Variants in ZFPM2 observed in about 807,000 individuals in gnomAD.
The protein encoded by ZFPM2 is zinc finger protein, FOG family member 2, also known as zinc finger protein ZFPM2.
A neutral mutation model predicts 98.6 loss-of-function variants in ZFPM2; 20 were observed. The ratio of observed to expected loss-of-function variants is 0.20; its 90% CI spans 0.14 to 0.29. The LOEUF is 0.29. ZFPM2 is among the 10% of genes least tolerant of loss of function. ZFPM2 has a pLI of 1.00. For missense variants in ZFPM2, 1,310 were observed against 1,388.6 expected, an observed-to-expected ratio of 0.94 and a Z score of 0.90; for synonymous variants, 518 against 502.7, an observed-to-expected ratio of 1.03 and a Z score of -0.41.
chr8:105,798,358 G>A, intron 6 of ZFPM2: 1 of 158,980 alleles, frequency 6.3e-6, no homozygotes, highest in Non-Finnish European at 1.4e-5. Context: ...GCTGAGGCAG[G>A]AGAATTGCTT....
rs77020182 is a variant in ZFPM2 at position 105,455,165 on chromosome 8, T to A, written c.301+10784T>A. Among the ~76,000 whole-genome samples the A allele has an allele frequency of 3.7e-3, 568 of 152,270 alleles. 8 individuals carry two copies. Among genetic ancestry groups the A allele is most frequent in the African/African-American group, 0.013 (525 of 41,560 alleles). The stretch of plus-strand genomic sequence containing the variant: ...ACAAGTAATGCAAATATTCCAAAAA[T>A]TTTTTAAAAATCTAAAATCCAAAAT... On this transcript the variant is annotated intron_variant, in intron 3 of 7. Transcript: ENST00000407775.
At chr8:105,456,574 A>G (rs1295777661) in intron 3 of ZFPM2, among the ~76,000 whole-genome samples, 1 of 152,158 alleles carries the variant, frequency 6.6e-6, no homozygotes, top group African/African-American at 2.4e-5. Flanking sequence ...GCTTCCAGAG[A>G]AATTTGTATT....
intron 1 of ZFPM2, among the ~76,000 whole-genome samples, chr8:105,356,614 CTG>C (rs950294578): frequency 7.2e-5 from 11 of 152,114 alleles, no homozygotes; most frequent in Admixed American, 7.2e-4. Context: ...TGCTTAGAAA[CTG>C]ATATATATAT....
intron 5 of ZFPM2, among the ~76,000 whole-genome samples, chr8:105,663,668 C>G (rs1817434639): frequency 6.6e-6 from 1 of 152,170 alleles, no homozygotes; most frequent in Non-Finnish European, 1.5e-5. Context: ...ATGCGTCAGT[C>G]ATATGGGGTA....
intron 1 of ZFPM2, among the ~76,000 whole-genome samples, chr8:105,336,396 T>A (rs1269333706): frequency 6.6e-6 from 1 of 151,764 alleles, no homozygotes; most frequent in Non-Finnish European, 1.5e-5. Flanking sequence ...AAGAAATTGT[T>A]CTCTGGTAGT....
In ZFPM2 at chr8:105,802,500, C is replaced by T. The variant is rs760925737; in HGVS notation, c.2418C>T (p.Asn806=). 3.3e-5 allele frequency: 53 copies of T among 1,612,324 alleles called. No homozygotes were observed. Among genetic ancestry groups the T allele is most frequent in the Non-Finnish European group, 4.4e-5 (52 of 1,179,230 alleles). ...SKHLETSLTI[N]KCVPVSKCDT... ...ACTTGGAAACTTCTCTGACGATCAA[C>T]AAGTGTGTTCCAGTTTCCAAATGTG... The change falls in exon 8 of 8, where the codon AAC becomes AAT. Residue 806 remains asparagine, a synonymous_variant. Transcript: ENST00000407775.
chr8:105,360,649 G>A (rs1210850933), intron 1 of ZFPM2, among the ~76,000 whole-genome samples: 1 of 131,078 alleles, frequency 7.6e-6, no homozygotes. Flanking sequence ...ACAGTCCCCA[G>A]AGTGTGATGT....
intron 4 of ZFPM2, among the ~76,000 whole-genome samples, chr8:105,566,666 C>T (rs1222897955): frequency 2.0e-5 from 3 of 152,160 alleles, no homozygotes; most frequent in Non-Finnish European, 4.4e-5. Flanking sequence ...CGTTTGCCCT[C>T]TCTTGCTTTT....
At chr8:105,450,899 G>A (rs1005300086) in intron 3 of ZFPM2, among the ~76,000 whole-genome samples, 57 of 151,992 alleles carry the variant, frequency 3.8e-4, no homozygotes, top group African/African-American at 1.3e-3. Context: ...AATGCCACAT[G>A]AACACAGTAA....
At chr8:105,766,629 G>A (rs1425309447) in intron 5 of ZFPM2, among the ~76,000 whole-genome samples, 1 of 151,884 alleles carries the variant, frequency 6.6e-6, no homozygotes, top group Non-Finnish European at 1.5e-5. Flanking sequence ...TGTTTTGGAT[G>A]TAGAATTGGC....
At chr8:105,542,563 C>G (rs80297163) in intron 3 of ZFPM2, among the ~76,000 whole-genome samples, 4,173 of 152,168 alleles carry the variant, frequency 0.027, 167 homozygotes, top group African/African-American at 0.094. Flanking sequence ...TATCCACAAC[C>G]AAATGTGGAC....
chr8:105,388,657 T>A (rs571293776), intron 1 of ZFPM2, among the ~76,000 whole-genome samples: 1 of 152,178 alleles, frequency 6.6e-6, no homozygotes, highest in African/African-American at 2.4e-5. Flanking sequence ...AAAGGCAGCA[T>A]TGGAGAATAT....
At chr8:105,476,511 T>A (rs1813015369) in intron 3 of ZFPM2, among the ~76,000 whole-genome samples, 1 of 152,082 alleles carries the variant, frequency 6.6e-6, no homozygotes, top group Non-Finnish European at 1.5e-5. Context: ...AGCACGAAAT[T>A]TGCCAAAAAG....
Position 105,608,306 on chromosome 8 carries a change from G to A in ZFPM2, c.421-25940G>A, listed in dbSNP as rs571039969. Among the ~76,000 whole-genome samples, 12 of 151,916 alleles carry A rather than the reference G, an allele frequency of 7.9e-5. No homozygotes were observed. In the East Asian group the frequency reaches 1.2e-3, roughly 15 times the overall value. ...TAACAAACCTGCACAACGTACCCTC[G>A]AATCTAAAATAAAAACTTTCTAAAA... On this transcript the variant is annotated intron_variant, in intron 4 of 7. Transcript: ENST00000407775.
chr8:105,614,172 C>T (rs1816366251), intron 4 of ZFPM2, among the ~76,000 whole-genome samples: 1 of 152,116 alleles, frequency 6.6e-6, no homozygotes, highest in African/African-American at 2.4e-5. Context: ...CAGGCATACA[C>T]ATTATTTTAT....
intron 4 of ZFPM2, among the ~76,000 whole-genome samples, chr8:105,565,518 C>T (rs1185470165): frequency 1.3e-5 from 2 of 152,074 alleles, no homozygotes; most frequent in East Asian, 1.9e-4. Flanking sequence ...GTTGCAGAGG[C>T]GTAAACTGCT....
At chr8:105,341,255 C>T (rs1812424575) in intron 1 of ZFPM2, among the ~76,000 whole-genome samples, 2 of 151,844 alleles carry the variant, frequency 1.3e-5, no homozygotes, top group African/African-American at 4.8e-5. Flanking sequence ...GTCCAATGCA[C>T]TTTGATTTTT....
At chr8:105,320,256 T>TGTGTG (rs1811999090) in intron 1 of ZFPM2, among the ~76,000 whole-genome samples, 1 of 142,262 alleles carries the variant, frequency 7.0e-6, no homozygotes, top group Non-Finnish European at 1.5e-5. Flanking sequence ...ATTCAGATCT[T>TGTGTG]TGTGTGTGTG....
chr8:105,374,525 A>G (rs1305842437), intron 1 of ZFPM2, among the ~76,000 whole-genome samples: 1 of 151,972 alleles, frequency 6.6e-6, no homozygotes, highest in African/African-American at 2.4e-5. Flanking sequence ...AGCTGGGACT[A>G]CAGGTGCACA....
Sources: gnomAD v4.1 joint callset for allele counts (sites outside exome capture counted in the v4.1 genomes callset) on GRCh38, gnomAD v4.1.1 for gene constraint, MANE v1.5 for transcripts, NCBI Gene and HGNC (gene_info 2026-07-23, HGNC 2026-07-21) for gene names.